The following CSMD3 variants were observed in gnomAD, a reference collection of about 807,000 sequenced individuals.
CSMD3 encodes the protein CUB and Sushi multiple domains 3, also known as CUB and sushi domain-containing protein 3.
CSMD3 carries 177 observed loss-of-function variants against 435.2 expected under a neutral mutation model. The observed-to-expected ratio is 0.41, with a 90% confidence interval of 0.36 to 0.46. The LOEUF (loss-of-function observed/expected upper bound fraction) is 0.46. Among genes scored for constraint, CSMD3 ranks in the 20% least tolerant of loss-of-function variants. The pLI is 0.34. For missense variants in CSMD3, 4,265 were observed against 4,504.6 expected, an observed-to-expected ratio of 0.95 and a Z score of 1.52; for synonymous variants, 1,656 against 1,520.5, an observed-to-expected ratio of 1.09 and a Z score of -2.07.
chr8:112,336,794 T>A lies in CSMD3; in HGVS notation c.6877A>T (p.Thr2293Ser), dbSNP rs766890809. Residue 2293 changes from threonine to serine, a missense_variant, in exon 44 of 71, where the codon ACC (threonine) becomes TCC (serine). Thr to Ser is a moderately conservative substitution (Grantham distance 58). This residue lies in a region of CSMD3 where 3,255 missense variants were observed against 3,380.2 expected (regional missense o/e 0.96). Transcript: ENST00000297405. ...TCAGGATACCCAGGAGAATAAATGG[T>A]GCCATTCATTGCAGTTATATTCCCA... The part of the protein sequence containing the change: ...CGGNITAMNG[T>S]IYSPGYPDEY... 6.2e-7 allele frequency: 1 copy of A among 1,613,192 alleles called. No homozygotes were observed. Among genetic ancestry groups the A allele is most frequent in the South Asian group, 1.1e-5 (1 of 91,070 alleles).
rs112931000 is a variant in CSMD3 at position 112,254,548 on chromosome 8, T to C, written c.10037-222A>G. The stretch of plus-strand genomic sequence containing the variant: ...GATATGAATTATGAAATTCTTGAAC[T>C]TTGAACCCTTCCGATATAAAAGCAC... On this transcript the variant is annotated intron_variant, in intron 62 of 70. Transcript: ENST00000297405. 1.0e-3 allele frequency among the ~76,000 whole-genome samples: 156 copies of C among 152,176 alleles called. 1 individual carries two copies. The highest frequency in any genetic ancestry group is 6.8e-3 in the Middle Eastern group (2 of 294).
At chr8:113,195,631 A>G (rs996933020) in intron 3 of CSMD3, among the ~76,000 whole-genome samples, 3 of 150,474 alleles carry the variant, frequency 2.0e-5, no homozygotes, top group Non-Finnish European at 4.5e-5. Flanking sequence ...TCTAATGTAC[A>G]ACAGACTGCA....
intron 13 of CSMD3, among the ~76,000 whole-genome samples, chr8:112,756,594 G>T (rs2077704093): frequency 6.6e-6 from 1 of 151,966 alleles, no homozygotes; most frequent in South Asian, 2.1e-4. Flanking sequence ...TTTACCATCT[G>T]CTTTTCTTAG....
chr8:113,341,642 G>A (rs1240843024), intron 1 of CSMD3, among the ~76,000 whole-genome samples: 1 of 151,958 alleles, frequency 6.6e-6, no homozygotes, highest in Non-Finnish European at 1.5e-5. Context: ...TGGAAACTGA[G>A]GGAAATAAAA....
intron 30 of CSMD3, among the ~76,000 whole-genome samples, chr8:112,497,212 G>C (rs1043431227): frequency 3.3e-5 from 5 of 152,050 alleles, no homozygotes; most frequent in Admixed American, 2.0e-4. Context: ...CCAGAGGCTG[G>C]GAAGAGTAAG....
At chr8:112,600,036 A>C (rs1832181890) in intron 22 of CSMD3, among the ~76,000 whole-genome samples, 1 of 151,684 alleles carries the variant, frequency 6.6e-6, no homozygotes, top group Non-Finnish European at 1.5e-5. Flanking sequence ...AAAAAGGAAT[A>C]GTACAGAGGT....
chr8:112,320,984 G>A (rs960936242), intron 45 of CSMD3, among the ~76,000 whole-genome samples: 1 of 152,028 alleles, frequency 6.6e-6, no homozygotes, highest in Non-Finnish European at 1.5e-5. Flanking sequence ...AGGCCACCAC[G>A]ACAAAGTCTC....
intron 13 of CSMD3, among the ~76,000 whole-genome samples, chr8:112,762,866 CAG>C (rs1267025570): frequency 1.3e-5 from 2 of 151,682 alleles, no homozygotes; most frequent in Admixed American, 6.6e-5. Context: ...CTCATAAAAA[CAG>C]AGAGTAGCAT....
intron 32 of CSMD3, among the ~76,000 whole-genome samples, chr8:112,456,807 A>G (rs1816885510): frequency 6.6e-6 from 1 of 152,114 alleles, no homozygotes; most frequent in Admixed American, 6.6e-5. Context: ...TGCAGGGTAC[A>G]TGTTTTAGGT....
At chr8:112,567,070 T>G (rs1479095662) in intron 24 of CSMD3, among the ~76,000 whole-genome samples, 1 of 152,122 alleles carries the variant, frequency 6.6e-6, no homozygotes, top group African/African-American at 2.4e-5. Flanking sequence ...TCCCTTGGCA[T>G]GAGATGATGA....
intron 4 of CSMD3, among the ~76,000 whole-genome samples, chr8:113,159,885 G>GA (rs2092005935): frequency 6.6e-6 from 1 of 151,942 alleles, no homozygotes; most frequent in African/African-American, 2.4e-5. Flanking sequence ...TTCCAATGAT[G>GA]AAAAAACAAT....
chr8:113,260,594 T>A (rs1563619427), intron 3 of CSMD3, among the ~76,000 whole-genome samples: 2 of 152,164 alleles, frequency 1.3e-5, no homozygotes, highest in African/African-American at 2.4e-5. Context: ...CTCTCAAGAA[T>A]GATAAAATCT....
At chr8:112,482,451 T>C (rs1317766618) in intron 31 of CSMD3, among the ~76,000 whole-genome samples, 2 of 152,146 alleles carry the variant, frequency 1.3e-5, no homozygotes, top group African/African-American at 2.4e-5. Context: ...TATTCATGAG[T>C]TTTAAAACTA....
chr8:113,418,747 A>T (rs993858553), intron 1 of CSMD3, among the ~76,000 whole-genome samples: 1 of 152,222 alleles, frequency 6.6e-6, no homozygotes, highest in Non-Finnish European at 1.5e-5. Flanking sequence ...CTGCAGACTA[A>T]CATCAGCCCC....
rs544123416 is a variant in CSMD3 at position 113,176,015 on chromosome 8, C to G, written c.515-2099G>C. Among the ~76,000 whole-genome samples the G allele has an allele frequency of 2.6e-5, 4 of 151,870 alleles. No homozygotes were observed. The East Asian group carries it at 5.8e-4, about 22-fold the overall frequency. On this transcript the variant is annotated intron_variant, in intron 3 of 70. Transcript: ENST00000297405. ...AAATAAATGTATCCAGAATAAAGTA[C>G]CTAAAGCAAAATGGAAATCATGTCA...
At position 112,518,670 on chromosome 8, in the gene CSMD3, T is replaced by C. The variant is rs150636119; in HGVS notation, c.4565-1445A>G. Among the ~76,000 whole-genome samples the C allele has an allele frequency of 3.6e-3, 538 of 150,236 alleles. 2 individuals are homozygous for C. Among genetic ancestry groups the C allele is most frequent in the African/African-American group, 0.013 (515 of 40,936 alleles). On this transcript the variant is annotated intron_variant, in intron 27 of 70. Transcript: ENST00000297405. Reference sequence around the variant, plus strand: ...AGAGAGAGAGAGGGAAACTTACTCATTAAATTTTTCTTGATTTGCTCTGGA... The same window carrying C: ...AGAGAGAGAGAGGGAAACTTACTCACTAAATTTTTCTTGATTTGCTCTGGA...
chr8:112,938,171 A>G (rs902393457), intron 9 of CSMD3, among the ~76,000 whole-genome samples: 1 of 152,220 alleles, frequency 6.6e-6, no homozygotes, highest in Admixed American at 6.6e-5. Flanking sequence ...TTGCTGCAAC[A>G]TAAGGATGAA....
intron 5 of CSMD3, among the ~76,000 whole-genome samples, chr8:113,062,661 A>G (rs1564269594): frequency 6.6e-6 from 1 of 151,860 alleles, no homozygotes; most frequent in Non-Finnish European, 1.5e-5. Flanking sequence ...GAACCATATC[A>G]TTAAAATATT....
intron 1 of CSMD3, among the ~76,000 whole-genome samples, chr8:113,400,601 A>G (rs1358591750): frequency 6.6e-6 from 1 of 151,900 alleles, no homozygotes; most frequent in Non-Finnish European, 1.5e-5. Flanking sequence ...AATAATTAAC[A>G]TGGCCAAAAA....
Sources: allele counts gnomAD v4.1 joint callset (sites outside exome capture counted in the v4.1 genomes callset), GRCh38; gene constraint gnomAD v4.1.1; regional missense constraint gnomAD v4.1.1; transcripts MANE v1.5; gene names NCBI Gene and HGNC (gene_info 2026-07-23, HGNC 2026-07-21).